Variants in RP1L1 observed in about 807,000 individuals in gnomAD.
RP1L1 encodes the protein retinitis pigmentosa 1-like 1 protein.
Under a neutral mutation model 15.7 loss-of-function variants are expected in RP1L1, and 27 were observed. That is an observed-to-expected ratio of 1.72 (90% CI 1.27 to 2.38). RP1L1 has a LOEUF of 2.38. Among genes scored for constraint, RP1L1 ranks in the 30% most tolerant of loss-of-function variants. The probability of loss-of-function intolerance (pLI) is 0.00; values close to 1 mark genes in which losing one functional copy is unlikely to be tolerated. For missense variants in RP1L1, 4,798 were observed against 3,075.9 expected (o/e 1.56, Z -13.24); for synonymous variants, 1,813 against 1,276.7 (o/e 1.42, Z -8.96).
chr8:10,615,733 G>T (rs1797954405), intron 3 of RP1L1, among the ~76,000 whole-genome samples: 2 of 151,982 alleles, frequency 1.3e-5, no homozygotes, highest in South Asian at 4.1e-4. Flanking sequence ...GTAGAGGCAG[G>T]GTCTTGCTCT....
rs780247211 is a variant in RP1L1, at chr8:10,608,783, C to A, written c.5315G>T (p.Arg1772Ile). Residue 1772 changes from arginine to isoleucine, a missense_variant, in exon 4 of 4, where the codon AGA becomes ATA. Arg to Ile is a moderately conservative substitution (Grantham distance 97). Transcript: ENST00000382483. ...TTCACTGTTGTGGGTTTTCCCTTCTCTCTCCTGAGCCATTGCATCTCCCTC... is the reference window on the plus strand; with the variant it reads ...TTCACTGTTGTGGGTTTTCCCTTCTATCTCCTGAGCCATTGCATCTCCCTC... The part of the protein sequence containing the change: ...EAEGDAMAQE[R>I]EGKTHNSETS... 33 of 1,614,220 alleles carry A rather than the reference C, an allele frequency of 2.0e-5. 1 individual carries two copies. The South Asian group carries it at 3.4e-4, about 17-fold the overall frequency.
intron 1 of RP1L1, among the ~76,000 whole-genome samples, chr8:10,631,169 C>T (rs927626582): frequency 4.6e-5 from 7 of 152,054 alleles, no homozygotes; most frequent in African/African-American, 9.6e-5. Flanking sequence ...ACGGCCCAGG[C>T]GAGAATGTTG....
At chr8:10,642,301 T>C (rs1337577257) in intron 1 of RP1L1, among the ~76,000 whole-genome samples, 1 of 152,218 alleles carries the variant, frequency 6.6e-6, no homozygotes, top group Admixed American at 6.5e-5. Context: ...CTGCAATAGA[T>C]GCAGTTAATA....
chr8:10,645,810 C>T (rs2117263561), intron 1 of RP1L1, among the ~76,000 whole-genome samples: 1 of 152,330 alleles, frequency 6.6e-6, no homozygotes, highest in East Asian at 1.9e-4. Flanking sequence ...AGGACACGCT[C>T]ACCTATTGGC....
Position 10,622,870 on chromosome 8 carries a change from T to G in RP1L1, c.332A>C (p.Lys111Thr). The G allele has an allele frequency of 6.2e-7, 1 of 1,613,320 alleles. No homozygotes were observed. Among genetic ancestry groups the G allele is most frequent in the Non-Finnish European group, 8.5e-7 (1 of 1,179,500 alleles). Residue 111 changes from lysine to threonine, a missense_variant, in exon 2 of 4, where the codon AAG becomes ACG. Transcript: ENST00000382483. ...TGGCCGGCCTGGTCCACTGGGGGTC[T>G]TGGGGGGCTTCTTATCAGAGCAGAG... ...CYLCSDKKPP[K>T]TPSGPGRPQE...
intron 1 of RP1L1, among the ~76,000 whole-genome samples, chr8:10,627,725 G>A (rs1386206634): frequency 8.5e-5 from 13 of 152,140 alleles, no homozygotes; most frequent in African/African-American, 3.1e-4. Flanking sequence ...CCCTTAAGAG[G>A]AGGACATCTT....
chr8:10,621,805 C>G (rs1182146320), intron 2 of RP1L1: 2 of 490,368 alleles, frequency 4.1e-6, no homozygotes, highest in Non-Finnish European at 8.2e-6. Context: ...CACGCATGTC[C>G]TTGAACTCAA....
rs940448276 is a variant in RP1L1, at chr8:10,614,043, C to T, written c.752-697G>A. ...GCATATAAAACTTCCTTTATAGTTG[C>T]TAGCACATAGTAGGCTCTCGAGAGA... On this transcript the variant is annotated intron_variant, in intron 3 of 3. Coordinates refer to ENST00000382483, the MANE Select transcript of RP1L1 (RefSeq NM_178857.6). Among the ~76,000 whole-genome samples the T allele has an allele frequency of 2.3e-4, 35 of 152,306 alleles. 1 individual carries two copies. In the Middle Eastern group the frequency reaches 0.014, roughly 59 times the overall value.
chr8:10,608,564 T>C lies in RP1L1; in HGVS notation c.5534A>G (p.Gln1845Arg), dbSNP rs776178073. ...GGCCTCTACACCTTCTGACTCTGGC[T>C]GGGCCTCCCCTTCAGCCTCCGGGGC... ...IEAPEAEGEA[Q>R]PESEGVEAPE... Residue 1845 changes from glutamine to arginine, a missense_variant, in exon 4 of 4, where the codon CAG becomes CGG. By Grantham distance (43) the Gln-to-Arg change is conservative. Transcript: ENST00000382483. The C allele has an allele frequency of 4.2e-5, 68 of 1,610,792 alleles. No individual in the cohort carries two copies. The highest frequency in any genetic ancestry group is 5.7e-5 in the Non-Finnish European group (67 of 1,177,642).
intron 1 of RP1L1, among the ~76,000 whole-genome samples, chr8:10,624,382 A>G (rs1208977786): frequency 6.6e-6 from 1 of 152,220 alleles, no homozygotes; most frequent in East Asian, 1.9e-4. Flanking sequence ...ACATACACAC[A>G]CACTCACACA....
At position 10,610,637 on chromosome 8, in the gene RP1L1, G is replaced by A. The variant is rs775166574; in HGVS notation, c.3461C>T (p.Ser1154Leu). 2.3e-5 allele frequency: 37 copies of A among 1,612,150 alleles called. No individual in the cohort carries two copies. Among genetic ancestry groups the A allele is most frequent in the Non-Finnish European group, 2.7e-5 (32 of 1,179,324 alleles). The change falls in exon 4 of 4, where the codon TCG becomes TTG. Residue 1154 changes from serine to leucine, a missense_variant. Ser to Leu is a moderately radical substitution (Grantham distance 145, BLOSUM62 -2). Coordinates refer to ENST00000382483, the MANE Select transcript of RP1L1 (RefSeq NM_178857.6). ...GTCACATCCTGGCCACAGGTCCTTCGAGATGCTGAGCAGCTCCTGGTACCG... is the reference window on the plus strand; with the variant it reads ...GTCACATCCTGGCCACAGGTCCTTCAAGATGCTGAGCAGCTCCTGGTACCG... ...SPRYQELLSI[S>L]KDLWPGCDVG... is the part of the protein sequence containing the mutation.
rs570098820 is a variant in RP1L1, at chr8:10,608,641, C to G, written c.5457G>C (p.Ala1819=). Residue 1819 remains alanine, a synonymous_variant, in exon 4 of 4, where the codon GCG becomes GCC. Coordinates refer to ENST00000382483, the MANE Select transcript of RP1L1 (RefSeq NM_178857.6). ...GHEDNLQGEA[A]AGGDQDPGQS... ...GTCCTGGATCTTGGTCACCTCCTGC[C>G]GCAGCTTCACCCTGCAAGTTGTCCT... 6.2e-7 allele frequency: 1 copy of G among 1,614,206 alleles called. No individual in the cohort carries two copies.
Position 10,611,761 on chromosome 8 carries a change from G to T in RP1L1, c.2337C>A (p.His779Gln), listed in dbSNP as rs749386151. The change falls in exon 4 of 4, where the codon CAC becomes CAA. Residue 779 changes from histidine to glutamine, a missense_variant. His to Gln is a conservative substitution (Grantham distance 24). Coordinates refer to ENST00000382483, the MANE Select transcript of RP1L1 (RefSeq NM_178857.6). Reference protein sequence around the residue: ...RTCSPAPIPPHTSDSCSKSGA... With the variant: ...RTCSPAPIPPQTSDSCSKSGA... The stretch of plus-strand genomic sequence containing the variant: ...CAGATTTTGAGCAGGAGTCGGATGT[G>T]TGGGGAGGTATGGGGGCCGGCGAGC... The T allele has an allele frequency of 1.2e-6, 2 of 1,613,668 alleles. No individual in the cohort carries two copies. Among genetic ancestry groups the T allele is most frequent in the South Asian group, 2.2e-5 (2 of 91,082 alleles).
chr8:10,619,575 G>C (rs960761990), intron 2 of RP1L1, among the ~76,000 whole-genome samples: 14 of 152,058 alleles, frequency 9.2e-5, no homozygotes, highest in African/African-American at 3.4e-4. Flanking sequence ...TGCTCCTCCA[G>C]CCTTTCACTG....
rs762797937 is a variant in RP1L1 at position 10,612,137 on chromosome 8, G to C, written c.1961C>G (p.Pro654Arg). The part of the protein sequence containing the change: ...RASAMSSPSS[P>R]GLGRVAPRGH... ...TCTCGGGGCCACTCGGCCAAGGCCAGGGCTGCTGGGTGAGGACATTGCACT... is the reference window on the plus strand; with the variant it reads ...TCTCGGGGCCACTCGGCCAAGGCCACGGCTGCTGGGTGAGGACATTGCACT... The change falls in exon 4 of 4, where the codon CCT becomes CGT. Residue 654 changes from proline to arginine, a missense_variant. Pro to Arg is a moderately radical substitution (Grantham distance 103, BLOSUM62 -2). Coordinates refer to ENST00000382483, the MANE Select transcript of RP1L1 (RefSeq NM_178857.6). 1.2e-6 allele frequency: 2 copies of C among 1,613,530 alleles called. No homozygotes were observed. The highest frequency in any genetic ancestry group is 1.3e-5 in the African/African-American group (1 of 74,950).
intron 1 of RP1L1, among the ~76,000 whole-genome samples, chr8:10,631,696 C>A (rs1189382043): frequency 2.0e-5 from 3 of 152,198 alleles, no homozygotes; most frequent in Non-Finnish European, 2.9e-5. Flanking sequence ...GGCTCTCAGA[C>A]CGCAAGCGCT....
chr8:10,609,373 C>T lies in RP1L1; in HGVS notation c.4725G>A (p.Glu1575=), dbSNP rs200941554. 2.9e-4 allele frequency: 461 copies of T among 1,612,516 alleles called. 1 individual carries two copies. The highest frequency in any genetic ancestry group is 9.9e-4 in the Middle Eastern group (6 of 6,062). The part of the protein sequence containing the change: ...AQRLQDSTKR[E]LQKLQGRAGR... ...CCGCCCGGCCCTGGAGCTTCTGGAG[C>T]TCTCTCTTGGTGCTGTCCTGGAGGC... The change falls in exon 4 of 4, where the codon GAG becomes GAA. Residue 1575 remains glutamate, a synonymous_variant. Coordinates refer to ENST00000382483, the MANE Select transcript of RP1L1 (RefSeq NM_178857.6).
intron 2 of RP1L1, among the ~76,000 whole-genome samples, chr8:10,617,305 G>A (rs147895318): frequency 6.2e-4 from 92 of 149,132 alleles, no homozygotes; most frequent in African/African-American, 2.1e-3. Context: ...ACATTGTAAT[G>A]AGCAATGCTG....
At chr8:10,654,516 G>A (rs1050158628) in intron 1 of RP1L1, among the ~76,000 whole-genome samples, 1 of 152,040 alleles carries the variant, frequency 6.6e-6, no homozygotes, top group East Asian at 1.9e-4. Context: ...AGGGGCAGCT[G>A]CCCACCTCTC....
Sources: allele counts gnomAD v4.1 joint callset (sites outside exome capture counted in the v4.1 genomes callset), GRCh38; gene constraint gnomAD v4.1.1; transcripts MANE v1.5; gene names NCBI Gene and HGNC (gene_info 2026-07-23, HGNC 2026-07-21).